ZNF83: variants seen among roughly 807,000 people sequenced by gnomAD.
The protein encoded by ZNF83 is zinc finger protein 83.
For missense variants in ZNF83, 552 were observed against 629.9 expected (o/e 0.88, Z 1.32); for synonymous variants, 209 against 213.0 (o/e 0.98, Z 0.17).
chr19:52,641,660 G>A (rs2061307400), upstream of ZNF83, among the ~76,000 whole-genome samples: 1 of 151,950 alleles, frequency 6.6e-6, no homozygotes, highest in South Asian at 2.1e-4. Context: ...GATCATTTTG[G>A]AACTGATTTT....
chr19:52,620,837 A>G (rs1015423075), intron 2 of ZNF83, among the ~76,000 whole-genome samples: 3 of 152,084 alleles, frequency 2.0e-5, no homozygotes, highest in African/African-American at 7.2e-5. Context: ...GCCCCAACTG[A>G]CCAATGGATC....
intron 1 of ZNF83, chr19:52,635,828 C>G (rs1395188997): frequency 6.6e-6 from 1 of 152,040 alleles, no homozygotes; most frequent in Non-Finnish European, 1.5e-5. Flanking sequence ...AACTCCATCT[C>G]TACTAAAAAT....
At chr19:52,660,901 T>C (rs12974834) in intron 1 of ZNF83, 16,368 of 153,620 alleles carry the variant, frequency 0.11, 977 homozygotes, top group African/African-American at 0.15. Flanking sequence ...AGTCCAGCTC[T>C]GTCACCATGA....
upstream of ZNF83, among the ~76,000 whole-genome samples, chr19:52,639,413 C>CTTTTTTTTTTTTT (rs1206783591): frequency 2.2e-4 from 12 of 53,880 alleles, no homozygotes; most frequent in Non-Finnish European, 2.9e-4. Flanking sequence ...TTAGTTTTTT[C>CTTTTTTTTTTTTT]TATTTTTTTT....
In ZNF83 at chr19:52,685,897, CAAAAAAAAAA is replaced by C. The variant is rs3055370; in HGVS notation, c.-283+4536_-283+4545del. Among the ~76,000 whole-genome samples, 35 of 132,544 alleles carry C rather than the reference CAAAAAAAAAA, an allele frequency of 2.6e-4. No homozygotes were observed. In the South Asian group the frequency reaches 3.1e-3, roughly 12 times the overall value. 87.0% of individuals were successfully genotyped at this position (132,544 alleles called of 152,430 possible). A position where few individuals can be genotyped will look rare whatever the true frequency, so the allele number is the denominator to read the frequency against. Reference sequence around the variant, plus strand: ...CTGGGGAACAAGAGTGTAACTGTCACAAAAAAAAAAAAAAAAAAAAAAAAAAAAATACAGG... The same window carrying C: ...CTGGGGAACAAGAGTGTAACTGTCACAAAAAAAAAAAAAAAAAAATACAGG... On this transcript the variant is annotated intron_variant, in intron 1 of 5. Coordinates refer to the ZNF83 transcript ENST00000594682.
At chr19:52,652,972 C>A in intron 3 of ZNF83, 1 of 1,317,846 alleles carries the variant, frequency 7.6e-7, no homozygotes, top group East Asian at 2.4e-5. Context: ...ACACTCATTA[C>A]ACCTGTAAGG....
chr19:52,677,324 A>C lies in ZNF83; in HGVS notation c.-283+13119T>G, dbSNP rs865842034. On this transcript the variant is annotated intron_variant, in intron 1 of 5. Coordinates refer to the ZNF83 transcript ENST00000594682. ...TGAGAAGTAAAAAAAAAAAAAAAAA[A>C]AAAAAACAAAAATTAGCCGGGTGTG... Among the ~76,000 whole-genome samples the C allele has an allele frequency of 1.3e-4, 20 of 148,734 alleles. No homozygotes were observed. In the South Asian group the frequency reaches 2.6e-3, roughly 19 times the overall value.
intron 1 of ZNF83, among the ~76,000 whole-genome samples, chr19:52,671,968 C>T (rs1439454328): frequency 6.6e-6 from 1 of 152,168 alleles, no homozygotes; most frequent in Non-Finnish European, 1.5e-5. Context: ...CACATTGACT[C>T]ACACCTGTAA....
chr19:52,652,633 C>T (rs770444526), intron 3 of ZNF83: 23 of 486,064 alleles, frequency 4.7e-5, no homozygotes, highest in Non-Finnish European at 9.4e-5. Context: ...GCCACATTTA[C>T]TACACTTGTA....
At chr19:52,676,505 G>A (rs1182263336) in intron 1 of ZNF83, among the ~76,000 whole-genome samples, 2 of 151,382 alleles carry the variant, frequency 1.3e-5, no homozygotes, top group East Asian at 3.9e-4. Context: ...GGGAGGTGGG[G>A]GGCAGCCCCC....
chr19:52,643,593 C>T (rs1232828000), intron 3 of ZNF83, among the ~76,000 whole-genome samples: 2 of 151,586 alleles, frequency 1.3e-5, no homozygotes, highest in African/African-American at 4.8e-5. Context: ...CCCAGCTACT[C>T]GGGAGGCTGA....
intron 1 of ZNF83, among the ~76,000 whole-genome samples, chr19:52,689,556 A>G (rs994676663): frequency 6.6e-6 from 1 of 151,352 alleles, no homozygotes; most frequent in African/African-American, 2.4e-5. Flanking sequence ...CCCTCTCCCT[A>G]CCTTGCTGTC....
In ZNF83 at chr19:52,614,940, T is replaced by C. The variant is rs938560617; in HGVS notation, c.-233-143A>G. The C allele has an allele frequency of 6.0e-6, 5 of 834,156 alleles. No individual in the cohort carries two copies. The African/African-American group carries it at 8.8e-5, about 15-fold the overall frequency. 51.7% of individuals were successfully genotyped at this position (834,156 alleles called of 1,614,324 possible). ...ACTCCCATTCATGATTTTTAACTTTTTGGAAAACAAAAGGAACAGATATTT... is the reference window on the plus strand; with the variant it reads ...ACTCCCATTCATGATTTTTAACTTTCTGGAAAACAAAAGGAACAGATATTT... On this transcript the variant is annotated intron_variant, in intron 2 of 2. Coordinates refer to ENST00000301096, the Ensembl canonical transcript of ZNF83.
At position 52,613,711 on chromosome 19, in the gene ZNF83, C is replaced by G. The variant is rs146207784; in HGVS notation, c.854G>C (p.Gly285Ala). The G allele has an allele frequency of 1.5e-5, 21 of 1,362,524 alleles. No homozygotes were observed. In the African/African-American group the frequency reaches 2.8e-4, roughly 18 times the overall value. The allele number at this position is 1,362,524 out of a possible 1,614,324, so 84.4% of individuals were successfully genotyped here. A position where few individuals can be genotyped will look rare whatever the true frequency, so the allele number is the denominator to read the frequency against. Residue 285 changes from glycine (G) to alanine (A), a missense_variant, in exon 3 of 3, where the codon GGA (glycine) becomes GCA (alanine). Physicochemically the swap from Gly to Ala is moderately conservative, Grantham distance 60 (BLOSUM62 0). Transcript: ENST00000301096. ...CTCATTACATTTGTAAGGTTTCTCT[C>G]CAGTGTGGATTCTCTGATGTTGTGC...
intron 2 of ZNF83, chr19:52,619,069 T>G (rs773206029): frequency 2.5e-5 from 40 of 1,612,566 alleles, no homozygotes; most frequent in South Asian, 8.8e-5. Flanking sequence ...GACCCTGAAA[T>G]GAAAACACAT....
intron 2 of ZNF83, among the ~76,000 whole-genome samples, chr19:52,656,426 G>A (rs1291149759): frequency 3.3e-5 from 5 of 152,102 alleles, no homozygotes; most frequent in South Asian, 2.1e-4. Context: ...TTGGGAAGCC[G>A]AGGCAGGGGA....
intron 1 of ZNF83, among the ~76,000 whole-genome samples, chr19:52,670,884 A>T (rs999608937): frequency 3.9e-5 from 6 of 152,222 alleles, no homozygotes; most frequent in African/African-American, 1.4e-4. Context: ...ATCAATAGAG[A>T]GGAAATGTTC....
chr19:52,663,294 T>A (rs886285239), intron 1 of ZNF83, among the ~76,000 whole-genome samples: 22 of 152,162 alleles, frequency 1.4e-4, no homozygotes, highest in African/African-American at 5.3e-4. Flanking sequence ...ATGACAGTAA[T>A]ACGTTCAAAA....
intron 1 of ZNF83, among the ~76,000 whole-genome samples, chr19:52,663,114 G>A (rs958307238): frequency 3.9e-5 from 6 of 151,992 alleles, no homozygotes; most frequent in East Asian, 3.9e-4. Context: ...AGTGAGCCAA[G>A]ATCGTATCAC....
Sources: gnomAD v4.1 joint callset for allele counts (sites outside exome capture counted in the v4.1 genomes callset) on GRCh38, gnomAD v4.1.1 for gene constraint, MANE v1.5 for transcripts, NCBI Gene and HGNC (gene_info 2026-07-23, HGNC 2026-07-21) for gene names.